Variants in TMEM233 observed in about 807,000 individuals in gnomAD.
TMEM233 encodes transmembrane protein 233.
A neutral mutation model predicts 11.2 loss-of-function variants in TMEM233; 6 were observed. The observed-to-expected ratio is 0.54, with a 90% CI of 0.29 to 1.06. The LOEUF is 1.06. Among genes scored for constraint, TMEM233 ranks in the 50% least tolerant of loss-of-function variants. The pLI is 0.08. For missense variants in TMEM233, 127 were observed against 144.7 expected (o/e 0.88, Z 0.63); for synonymous variants, 59 against 55.8 (o/e 1.06, Z -0.26).
At chr12:119,600,231 T>C (rs1040144581) in intron 1 of TMEM233, among the ~76,000 whole-genome samples, 8 of 138,646 alleles carry the variant, frequency 5.8e-5, no homozygotes, top group Middle Eastern at 4.0e-3. Context: ...TAACAAATAA[T>C]ACAAGATGTA....
intron 1 of TMEM233, among the ~76,000 whole-genome samples, chr12:119,600,947 T>C (rs138066195): frequency 1.2e-4 from 19 of 152,314 alleles, no homozygotes; most frequent in Non-Finnish European, 2.2e-4. Flanking sequence ...CAATTTTATG[T>C]TGTGTATATT....
At chr12:119,610,040 C>G (rs926937191) in intron 1 of TMEM233, among the ~76,000 whole-genome samples, 7 of 152,210 alleles carry the variant, frequency 4.6e-5, no homozygotes, top group African/African-American at 1.7e-4. Context: ...AGGGTGGGGA[C>G]TATACCCTGC....
downstream of TMEM233, among the ~76,000 whole-genome samples, chr12:119,644,283 T>C (rs181243012): frequency 2.0e-5 from 3 of 152,110 alleles, no homozygotes; most frequent in African/African-American, 7.2e-5. Flanking sequence ...TCAAACCTTA[T>C]AGATTGAGGG....
intron 1 of TMEM233, among the ~76,000 whole-genome samples, chr12:119,626,552 AAGAGAAGAGAAGAGAAGAGAAG>A (rs1323693498): frequency 5.1e-4 from 55 of 106,998 alleles, no homozygotes; most frequent in African/African-American, 1.9e-3. Context: ...AAGAGAAGAG[AAGAGAAGAGAAGAGAAGAGAAG>A]AGAAGAGAAG....
chr12:119,594,116 C>T lies in TMEM233; in HGVS notation c.186+82C>T. The T allele has an allele frequency of 7.2e-7, 1 of 1,391,288 alleles. No homozygotes were observed. Among genetic ancestry groups the T allele is most frequent in the Non-Finnish European group, 9.8e-7 (1 of 1,023,982 alleles). 86.2% of individuals were successfully genotyped at this position (1,391,288 alleles called of 1,614,324 possible). ...CCCTGCAGGGGAGTCCGCGCGCTCT[C>T]TGCGGCTCCCTTCCTCACGGCCCGG... On this transcript the variant is annotated intron_variant, in intron 1 of 2. Coordinates refer to ENST00000426426, the MANE Select transcript of TMEM233 (RefSeq NM_001136534.3). This position sits in a 1 kb window ranked among gnomAD's most constrained non-coding sequence, Gnocchi z 5.6.
chr12:119,617,090 G>C (rs1954553379), intron 1 of TMEM233, among the ~76,000 whole-genome samples: 2 of 152,150 alleles, frequency 1.3e-5, no homozygotes, highest in African/African-American at 2.4e-5. Flanking sequence ...AAAGATACCA[G>C]AAAATGTGGA....
downstream of TMEM233, among the ~76,000 whole-genome samples, chr12:119,646,902 G>A (rs942243360): frequency 8.5e-5 from 13 of 152,128 alleles, no homozygotes; most frequent in East Asian, 3.9e-4. Flanking sequence ...ATCTTTTGGC[G>A]AGCATTATTC....
At position 119,612,745 on chromosome 12, in the gene TMEM233, C is replaced by T. The variant is rs1299658994; in HGVS notation, c.187-16991C>T. Among the ~76,000 whole-genome samples, 13 of 93,596 alleles carry T rather than the reference C, an allele frequency of 1.4e-4. No homozygotes were observed. The South Asian group carries it at 1.6e-3, about 11-fold the overall frequency. 61.4% of individuals were successfully genotyped at this position (93,596 alleles called of 152,430 possible). ...CAGCCTGGGCGACAGACCAAGACTCCGTCTCAAAAAAAAAAAAAAAAAAAA... is the reference window on the plus strand; with the variant it reads ...CAGCCTGGGCGACAGACCAAGACTCTGTCTCAAAAAAAAAAAAAAAAAAAA... On this transcript the variant is annotated intron_variant, in intron 1 of 2. Transcript: ENST00000426426.
chr12:119,637,489 C>T (rs992716868), intron 2 of TMEM233, among the ~76,000 whole-genome samples: 1 of 152,240 alleles, frequency 6.6e-6, no homozygotes, highest in African/African-American at 2.4e-5. Flanking sequence ...AAATATCCTT[C>T]AATTGCATCA....
the TMEM233 span, among the ~76,000 whole-genome samples, chr12:119,652,497 G>T: frequency 6.6e-6 from 1 of 152,094 alleles, no homozygotes; most frequent in Non-Finnish European, 1.5e-5. Context: ...ACATTTACCC[G>T]GCTTTTCCTC....
intron 1 of TMEM233, among the ~76,000 whole-genome samples, chr12:119,619,656 A>G (rs112032783): frequency 0.011 from 1,624 of 151,618 alleles, 31 homozygotes; most frequent in African/African-American, 0.037. Context: ...AAAAAAAAAA[A>G]CACACTGACA....
At chr12:119,608,731 G>C (rs1954334555) in intron 1 of TMEM233, among the ~76,000 whole-genome samples, 1 of 152,224 alleles carries the variant, frequency 6.6e-6, no homozygotes, top group African/African-American at 2.4e-5. Context: ...TTGGTCCCCA[G>C]AGAAGTTTCC....
chr12:119,619,138 T>C (rs769996802), intron 1 of TMEM233, among the ~76,000 whole-genome samples: 2 of 152,246 alleles, frequency 1.3e-5, no homozygotes, highest in Middle Eastern at 3.4e-3. Context: ...CACTCATTCT[T>C]CCCTCTCCTG....
the TMEM233 span, among the ~76,000 whole-genome samples, chr12:119,651,206 C>T: frequency 6.6e-6 from 1 of 152,186 alleles, no homozygotes; most frequent in Non-Finnish European, 1.5e-5. Context: ...TTTGATTCTG[C>T]ACATCACAAA....
At chr12:119,638,155 G>A (rs911234709) in intron 2 of TMEM233, among the ~76,000 whole-genome samples, 1 of 152,154 alleles carries the variant, frequency 6.6e-6, no homozygotes, top group African/African-American at 2.4e-5. Flanking sequence ...ATCACCTGGG[G>A]AGCTTTAAAC....
rs576506895 is a variant in TMEM233, at chr12:119,607,990, C to T, written c.186+13956C>T. ...AGCTCTCTAGTTAACTTAAGAAAAA[C>T]GCTTTTATTCTGATATTTTATTCTA... On this transcript the variant is annotated intron_variant, in intron 1 of 2. Transcript: ENST00000426426. 4.9e-4 allele frequency among the ~76,000 whole-genome samples: 75 copies of T among 152,232 alleles called. 1 individual carries two copies. Among genetic ancestry groups the T allele is most frequent in the African/African-American group, 1.7e-3 (70 of 41,544 alleles).
chr12:119,615,196 A>T (rs1035988389), intron 1 of TMEM233, among the ~76,000 whole-genome samples: 1 of 148,990 alleles, frequency 6.7e-6, no homozygotes, highest in Non-Finnish European at 1.5e-5. Flanking sequence ...AAAAAAAAAA[A>T]AAAAAAAAAA....
rs1468351814 is a variant in TMEM233 at position 119,641,551 on chromosome 12, C to A, written c.*846C>A. On this transcript the variant is annotated 3_prime_UTR_variant, in exon 3 of 3. Transcript: ENST00000426426. ...ATCTCTAGCAAGTCTCAGGCAAGAT[C>A]TTTGATTTTCCTGGATGCCACCTGG... 1 of 151,708 alleles carries A rather than the reference C, an allele frequency of 6.6e-6. No individual in the cohort carries two copies. The highest frequency in any genetic ancestry group is 1.5e-5 in the Non-Finnish European group (1 of 67,972). 9.4% of individuals were successfully genotyped at this position (151,708 alleles called of 1,614,324 possible). A position where few individuals can be genotyped will look rare whatever the true frequency, so the allele number is the denominator to read the frequency against.
chr12:119,624,587 C>A (rs1954711693), intron 1 of TMEM233, among the ~76,000 whole-genome samples: 3 of 151,922 alleles, frequency 2.0e-5, no homozygotes. Context: ...CCAGTCCCCC[C>A]AAAAAACAAA....
Sources: allele counts gnomAD v4.1 joint callset (sites outside exome capture counted in the v4.1 genomes callset), GRCh38; gene constraint gnomAD v4.1.1; non-coding constraint Gnocchi (gnomAD v3.1); transcripts MANE v1.5; gene names NCBI Gene and HGNC (gene_info 2026-07-23, HGNC 2026-07-21).